SEC24C: variants seen among roughly 807,000 people sequenced by gnomAD.
The protein encoded by SEC24C is protein transport protein Sec24C.
SEC24C carries 22 observed loss-of-function variants against 117.0 expected under a neutral mutation model. The ratio of observed to expected loss-of-function variants is 0.19; its 90% CI spans 0.13 to 0.27. The LOEUF (loss-of-function observed/expected upper bound fraction) is 0.27. SEC24C is among the 10% of genes least tolerant of loss of function. SEC24C has a pLI of 1.00. For synonymous variants in SEC24C, 506 were observed against 529.4 expected (o/e 0.96, Z 0.61); for missense variants, 1,155 against 1,375.1 (o/e 0.84, Z 2.53).
chr10:73,745,335 G>T, intron 1 of SEC24C, among the ~76,000 whole-genome samples: 1 of 151,802 alleles, frequency 6.6e-6, no homozygotes, highest in African/African-American at 2.4e-5. Context: ...AATCGTAAGG[G>T]GAGCAGAAAC....
intron 7 of SEC24C, 35 bp downstream of exon 7, chr10:73,763,636 T>C (rs2082830470): frequency 7.7e-7 from 1 of 1,290,448 alleles, no homozygotes; most frequent in Non-Finnish European, 1.1e-6. Context: ...ACAGGGGCTT[T>C]TTCTTCAAGA....
intron 15 of SEC24C, among the ~76,000 whole-genome samples, chr10:73,768,406 A>C (rs2082918796): frequency 6.6e-6 from 1 of 152,176 alleles, no homozygotes; most frequent in Non-Finnish European, 1.5e-5. Context: ...TTGGAAGAGA[A>C]GACTGCATAG....
At chr10:73,747,067 G>T in intron 2 of SEC24C, 63 bp downstream of exon 2, 3 of 1,488,114 alleles carry the variant, frequency 2.0e-6, no homozygotes, top group Non-Finnish European at 2.7e-6. Flanking sequence ...TTCAGGTTGG[G>T]TTGTATTGCT....
intron 14 of SEC24C, 61 bp downstream of exon 14, chr10:73,767,231 T>C (rs970574520): frequency 4.5e-6 from 5 of 1,111,478 alleles, no homozygotes; most frequent in African/African-American, 3.1e-5. Flanking sequence ...GTGGGGACTC[T>C]ACTTTCTTGA....
chr10:73,767,048 TCCTAGGC>T lies in SEC24C; in HGVS notation c.1894-5_1895del. ...AATAAACAAGTAGTCCTCTCTTTTTTCCTAGGCTGCTGAGTGTGCAGGGAAGCTCTTT... is the reference window on the plus strand; with the variant it reads ...AATAAACAAGTAGTCCTCTCTTTTTTTGCTGAGTGTGCAGGGAAGCTCTTT... On this transcript the variant is annotated splice_acceptor_variant and splice_polypyrimidine_tract_variant and coding_sequence_variant and intron_variant, in exon 14 of 23. Coordinates refer to ENST00000345254, the MANE Select transcript of SEC24C (RefSeq NM_198597.3). LOFTEE classifies it high-confidence loss of function. 1 of 1,607,564 alleles carries T rather than the reference TCCTAGGC, an allele frequency of 6.2e-7. No homozygotes were observed.
rs769799582 is a variant in SEC24C at position 73,769,125 on chromosome 10, C to G, written c.2397C>G (p.Leu799=). The part of the protein sequence containing the change: ...VTVEFKHDDR[L]NEESGALLQC... ...TGGAGTTCAAGCATGACGATCGGCT[C>G]AATGAAGAGAGCGGAGCTCTCCTGC... The change falls in exon 17 of 23, where the codon CTC becomes CTG. Residue 799 remains leucine, a synonymous_variant. Coordinates refer to ENST00000345254, the MANE Select transcript of SEC24C (RefSeq NM_198597.3). The surrounding 1 kb of genome is among the most constrained non-coding windows in gnomAD (Gnocchi z 4.5). The G allele has an allele frequency of 3.1e-6, 5 of 1,614,104 alleles. No homozygotes were observed. The South Asian group carries it at 5.5e-5, about 18-fold the overall frequency.
In SEC24C at chr10:73,769,547, A is replaced by G; in HGVS notation, c.2563+62A>G. 1 of 1,612,940 alleles carries G rather than the reference A, an allele frequency of 6.2e-7. No individual in the cohort carries two copies. The highest frequency in any genetic ancestry group is 8.5e-7 in the Non-Finnish European group (1 of 1,179,082). On this transcript the variant is annotated intron_variant, in intron 18 of 22. Coordinates refer to ENST00000345254, the MANE Select transcript of SEC24C (RefSeq NM_198597.3). This position sits in a 1 kb window ranked among gnomAD's most constrained non-coding sequence, Gnocchi z 4.5. ...GAGAGGTCCAGGATGGTGAGTGGGT[A>G]GTTGTGATGGTGGGAATGCACACAT... is the stretch of plus-strand genomic sequence containing the variant.
chr10:73,756,644 A>G (rs1393493214), intron 3 of SEC24C, among the ~76,000 whole-genome samples: 1 of 151,652 alleles, frequency 6.6e-6, no homozygotes, highest in Non-Finnish European at 1.5e-5. Flanking sequence ...CTTATTGCCC[A>G]GGTTGGAGTG....
chr10:73,760,195 G>T lies in SEC24C; in HGVS notation c.659G>T (p.Gly220Val), dbSNP rs1393138963. 2 of 1,614,020 alleles carry T rather than the reference G, an allele frequency of 1.2e-6. No individual in the cohort carries two copies. The highest frequency in any genetic ancestry group is 1.3e-5 in the African/African-American group (1 of 74,912). The change falls in exon 5 of 23, where the codon GGT becomes GTT. Residue 220 changes from glycine to valine, a missense_variant. By Grantham distance (109) the Gly-to-Val change is moderately radical (BLOSUM62 -3). Around this residue, in one of 2 missense-constraint regions of SEC24C, gnomAD observed 396 missense variants for 382.8 expected, o/e 1.03. Transcript: ENST00000345254. ...AGCTTCACACCCCCAGCTTCAGGGGGTCCTCGGCTGCCTTCGATGACTGGT... is the reference window on the plus strand; with the variant it reads ...AGCTTCACACCCCCAGCTTCAGGGGTTCCTCGGCTGCCTTCGATGACTGGT... ...ASSFTPPASG[G>V]PRLPSMTGPL...
chr10:73,765,654 ATAGT>A (rs2082871723), intron 9 of SEC24C, 65 bp downstream of exon 9: 1 of 1,593,028 alleles, frequency 6.3e-7, no homozygotes, highest in Non-Finnish European at 8.6e-7. Flanking sequence ...TCTCTATTAA[ATAGT>A]TAGAGAGATG....
intron 8 of SEC24C, 32 bp from the exon 9 acceptor site, chr10:73,765,419 T>G: frequency 6.3e-7 from 1 of 1,596,826 alleles, no homozygotes; most frequent in South Asian, 1.1e-5. Context: ...TGGTTTTCCT[T>G]TATGTCTGAT....
intron 3 of SEC24C, among the ~76,000 whole-genome samples, chr10:73,756,012 C>T (rs888566670): frequency 3.3e-5 from 5 of 152,078 alleles, no homozygotes. Context: ...CCACCATGCC[C>T]GGCTAATTTT....
rs1443919928 is a variant in SEC24C, at chr10:73,769,224, T to A, written c.2424+72T>A. ...GGTATAGAAGAGGGTGAGGAATGGG[T>A]AGAGAGCACTAAAAGAAGAGACAGG... is the stretch of plus-strand genomic sequence containing the variant. On this transcript the variant is annotated intron_variant, in intron 17 of 22. Coordinates refer to ENST00000345254, the MANE Select transcript of SEC24C (RefSeq NM_198597.3). The surrounding 1 kb of genome is among the most constrained non-coding windows in gnomAD (Gnocchi z 4.5). The A allele has an allele frequency of 6.3e-7, 1 of 1,592,430 alleles. No individual in the cohort carries two copies. The highest frequency in any genetic ancestry group is 2.3e-5 in the East Asian group (1 of 44,140).
At chr10:73,766,017 G>A in intron 10 of SEC24C, 69 bp from the exon 11 acceptor site, 1 of 1,596,158 alleles carries the variant, frequency 6.3e-7, no homozygotes, top group Non-Finnish European at 8.5e-7. Flanking sequence ...CCTTTTTGAT[G>A]CTGACTTCTC....
At chr10:73,754,804 T>C (rs1191797187) in intron 3 of SEC24C, among the ~76,000 whole-genome samples, 2 of 152,102 alleles carry the variant, frequency 1.3e-5, no homozygotes, top group Non-Finnish European at 2.9e-5. Context: ...ACTTGGAGCT[T>C]AGCAACATTT....
At chr10:73,765,650 TTAAA>T (rs1331937751) in intron 9 of SEC24C, 61 bp downstream of exon 9, 1 of 1,596,632 alleles carries the variant, frequency 6.3e-7, no homozygotes, top group African/African-American at 1.3e-5. Flanking sequence ...TTGTTCTCTA[TTAAA>T]TAGTTAGAGA....
Position 73,768,842 on chromosome 10 carries a change from C to A in SEC24C, c.2214C>A (p.Asp738Glu). Residue 738 changes from aspartate to glutamate, a missense_variant, in exon 16 of 23, where the codon GAC (aspartate) becomes GAA (glutamate). Asp to Glu is a conservative substitution (Grantham distance 45). Coordinates refer to ENST00000345254, the MANE Select transcript of SEC24C (RefSeq NM_198597.3). ...VENDQERFLS[D>E]LRRDVQKVVG... ...ACGACCAGGAGCGGTTCCTGAGTGA[C>A]CTGCGTCGTGATGTCCAGAAGGTTG... The A allele has an allele frequency of 1.2e-6, 2 of 1,613,850 alleles. No individual in the cohort carries two copies.
At position 73,771,175 on chromosome 10, in the gene SEC24C, A is replaced by G. The variant is rs2082976141; in HGVS notation, c.*80A>G. The G allele has an allele frequency of 1.3e-6, 2 of 1,515,764 alleles. No individual in the cohort carries two copies. The highest frequency in any genetic ancestry group is 1.8e-6 in the Non-Finnish European group (2 of 1,114,188). The allele number at this position is 1,515,764 out of a possible 1,614,324, so 93.9% of individuals were successfully genotyped here. ...ATGTCAGAGAAATTGGGACAGTAAC[A>G]TATCTTATGTAAGCTGACCTCAGTC... On this transcript the variant is annotated 3_prime_UTR_variant, in exon 23 of 23. Transcript: ENST00000345254.
rs746100072 is a variant in SEC24C, at chr10:73,747,002, A to G, written c.170A>G (p.Gln57Arg). ...PVPGYQQTPP[Q>R]GMSRAPPSSG... ...CCAGGCTATCAGCAAACACCTCCCC[A>G]AGGTATGTTTCTGTTTCTGTTTCCT... Residue 57 changes from glutamine to arginine, a missense_variant and splice_region_variant, in exon 2 of 23, where the codon CAA (glutamine) becomes CGA (arginine). Physicochemically the swap from Gln to Arg is conservative, Grantham distance 43. Transcript: ENST00000345254. 1.2e-6 allele frequency: 2 copies of G among 1,611,168 alleles called. No individual in the cohort carries two copies. Among genetic ancestry groups the G allele is most frequent in the East Asian group, 2.2e-5 (1 of 44,754 alleles).
Sources: gnomAD v4.1 joint callset for allele counts (sites outside exome capture counted in the v4.1 genomes callset) on GRCh38, gnomAD v4.1.1 for gene constraint, gnomAD v4.1.1 regional missense constraint, Gnocchi (gnomAD v3.1) non-coding constraint, MANE v1.5 for transcripts, NCBI Gene and HGNC (gene_info 2026-07-23, HGNC 2026-07-21) for gene names.